Variants in NRG1 observed in about 807,000 individuals in gnomAD.
The protein encoded by NRG1 is pro-neuregulin-1, membrane-bound isoform.
NRG1 carries 18 observed loss-of-function variants against 63.8 expected under a neutral mutation model. The ratio of observed to expected loss-of-function variants is 0.28; its 90% CI spans 0.19 to 0.42. The LOEUF is 0.42. NRG1 is among the 10% of genes least tolerant of loss of function. NRG1 has a pLI of 1.00. For missense variants in NRG1, 762 were observed against 814.7 expected, an observed-to-expected ratio of 0.94 and a Z score of 0.79; for synonymous variants, 302 against 301.3, an observed-to-expected ratio of 1.00 and a Z score of -0.02.
At chr8:31,765,302 GCAGT>G (rs1362823541) in intron 1 of NRG1, among the ~76,000 whole-genome samples, 2 of 151,926 alleles carry the variant, frequency 1.3e-5, no homozygotes, top group African/African-American at 4.8e-5. Flanking sequence ...TTCTTTCTTT[GCAGT>G]CAGTCTACCA....
chr8:31,776,087 T>A (rs1416549632), intron 1 of NRG1, among the ~76,000 whole-genome samples: 1 of 152,140 alleles, frequency 6.6e-6, no homozygotes, highest in Non-Finnish European at 1.5e-5. Flanking sequence ...TCTATAAAGC[T>A]GTTTCTGAGC....
intron 1 of NRG1, among the ~76,000 whole-genome samples, chr8:32,090,359 A>T (rs1299725433): frequency 1.3e-5 from 2 of 152,196 alleles, no homozygotes; most frequent in Non-Finnish European, 2.9e-5. Context: ...TTAGGAAAAG[A>T]GTCCGGGTTG....
intron 1 of NRG1, among the ~76,000 whole-genome samples, chr8:32,532,523 G>A (rs1477879227): frequency 1.3e-5 from 2 of 152,000 alleles, no homozygotes; most frequent in African/African-American, 2.4e-5. Flanking sequence ...AAACAGCTGT[G>A]TTTATGAAGC....
At chr8:31,989,884 T>G (rs986160131) in intron 1 of NRG1, among the ~76,000 whole-genome samples, 9 of 152,140 alleles carry the variant, frequency 5.9e-5, no homozygotes, top group African/African-American at 2.2e-4. Context: ...ATGTTGGACT[T>G]TGTGCTTATG....
intron 1 of NRG1, among the ~76,000 whole-genome samples, chr8:32,366,327 C>T (rs1807972560): frequency 6.6e-6 from 1 of 151,932 alleles, no homozygotes; most frequent in Non-Finnish European, 1.5e-5. Context: ...ACTCATTAAC[C>T]AACTTCTCTT....
At position 31,992,795 on chromosome 8, in the gene NRG1, G is replaced by T. The variant is rs190622154; in HGVS notation, c.37+353364G>T. ...AAGCATTAGCTCCATTGCAAAATAG[G>T]ATTAAAACTGAATGTACAGTGTTGT... On this transcript the variant is annotated intron_variant, in intron 1 of 10. Transcript: ENST00000519301. Among the ~76,000 whole-genome samples, 34 of 152,012 alleles carry T rather than the reference G, an allele frequency of 2.2e-4. No individual in the cohort carries two copies. In the East Asian group the frequency reaches 5.8e-3, roughly 26 times the overall value.
intron 5 of NRG1, among the ~76,000 whole-genome samples, chr8:32,626,416 C>G (rs1849283734): frequency 6.7e-6 from 1 of 149,990 alleles, no homozygotes; most frequent in African/African-American, 2.5e-5. Flanking sequence ...TGCGGTGGCT[C>G]ACACCTGTAA....
At chr8:32,753,566 A>C (rs28529748) in intron 7 of NRG1, among the ~76,000 whole-genome samples, 14,159 of 152,206 alleles carry the variant, frequency 0.093, 767 homozygotes, top group Admixed American at 0.1. Context: ...GGACAAATAA[A>C]ACTTGTTCCT....
chr8:31,698,624 T>C (rs1810324169), intron 1 of NRG1, among the ~76,000 whole-genome samples: 1 of 152,172 alleles, frequency 6.6e-6, no homozygotes, highest in Admixed American at 6.5e-5. Context: ...TTCTAATGTA[T>C]AGAATTAGGA....
At chr8:32,349,805 G>A (rs376699289) in intron 1 of NRG1, among the ~76,000 whole-genome samples, 1 of 152,126 alleles carries the variant, frequency 6.6e-6, no homozygotes, top group South Asian at 2.1e-4. Context: ...ATCCATCAGG[G>A]CTGCTGGGCC....
intron 1 of NRG1, among the ~76,000 whole-genome samples, chr8:31,857,149 A>C (rs1301378978): frequency 1.3e-5 from 2 of 152,186 alleles, no homozygotes; most frequent in Non-Finnish European, 1.5e-5. Context: ...ACCCAGTTCC[A>C]GCTTCCCCCC....
intron 1 of NRG1, among the ~76,000 whole-genome samples, chr8:32,260,222 T>C (rs1225696602): frequency 6.6e-6 from 1 of 152,062 alleles, no homozygotes; most frequent in Non-Finnish European, 1.5e-5. Context: ...AGGATAAAGC[T>C]CTCCAGTGAA....
chr8:31,906,107 G>A (rs1832498171), intron 1 of NRG1, among the ~76,000 whole-genome samples: 1 of 152,152 alleles, frequency 6.6e-6, no homozygotes, highest in Non-Finnish European at 1.5e-5. Flanking sequence ...TTCATGGAAT[G>A]ACCCCAACTC....
intron 5 of NRG1, chr8:32,647,386 CTTAA>C (rs897188931): frequency 3.0e-6 from 3 of 985,278 alleles, no homozygotes; most frequent in African/African-American, 1.7e-5. Context: ...TACTGGTTTA[CTTAA>C]TTAATCAGCC....
intron 1 of NRG1, among the ~76,000 whole-genome samples, chr8:31,649,957 C>T (rs1041512980): frequency 3.3e-5 from 5 of 152,132 alleles, no homozygotes; most frequent in African/African-American, 1.2e-4. Context: ...GCACCAGAGG[C>T]TGAGTCATTC....
intron 1 of NRG1, among the ~76,000 whole-genome samples, chr8:31,957,444 G>A (rs1226376219): frequency 1.3e-5 from 2 of 152,050 alleles, no homozygotes; most frequent in Admixed American, 6.6e-5. Flanking sequence ...TATTTAGTCT[G>A]TAATGACCAT....
chr8:31,756,823 C>T (rs1817012802), intron 1 of NRG1, among the ~76,000 whole-genome samples: 1 of 152,124 alleles, frequency 6.6e-6, no homozygotes, highest in Non-Finnish European at 1.5e-5. Context: ...TTTGATGAGT[C>T]CATTAAGCCT....
intron 1 of NRG1, among the ~76,000 whole-genome samples, chr8:31,747,732 A>G (rs532853288): frequency 1.2e-4 from 19 of 152,022 alleles, no homozygotes; most frequent in Non-Finnish European, 2.9e-5. Flanking sequence ...CTCGATTAAC[A>G]CAGGCCTCCC....
At chr8:32,490,070 A>G (rs1175300501) in intron 1 of NRG1, among the ~76,000 whole-genome samples, 2 of 152,186 alleles carry the variant, frequency 1.3e-5, no homozygotes, top group Non-Finnish European at 2.9e-5. Context: ...ATGGGAGACC[A>G]AGGTAGGAGG....
Sources: allele counts gnomAD v4.1 joint callset (sites outside exome capture counted in the v4.1 genomes callset), GRCh38; gene constraint gnomAD v4.1.1; transcripts MANE v1.5; gene names NCBI Gene and HGNC (gene_info 2026-07-23, HGNC 2026-07-21).